GLIS3: variants seen among roughly 807,000 people sequenced by gnomAD.
The protein encoded by GLIS3 is GLIS family zinc finger 3.
In GLIS3, 53 loss-of-function variants were observed where a neutral mutation model predicts 78.6. The observed-to-expected ratio is 0.67, with a 90% CI of 0.54 to 0.85. The LOEUF (loss-of-function observed/expected upper bound fraction) is 0.85, where lower values mean the gene tolerates loss of function less well. GLIS3 is among the 40% of genes least tolerant of loss of function. The probability of loss-of-function intolerance (pLI) is 0.00; values close to 1 mark genes in which losing one functional copy is unlikely to be tolerated. For missense variants in GLIS3, 1,703 were observed against 1,231.1 expected (o/e 1.38, Z -5.74); for synonymous variants, 684 against 509.9 (o/e 1.34, Z -4.60).
chr9:4,419,641 G>A, the GLIS3 span, among the ~76,000 whole-genome samples: 1 of 142,522 alleles, frequency 7.0e-6, no homozygotes, highest in African/African-American at 3.1e-5. Flanking sequence ...TTAGCCGGGC[G>A]TGGTGGTCCA....
chr9:4,018,948 G>T (rs1435758529), intron 4 of GLIS3, among the ~76,000 whole-genome samples: 1 of 152,186 alleles, frequency 6.6e-6, no homozygotes, highest in Non-Finnish European at 1.5e-5. Flanking sequence ...ATTTTACTCT[G>T]TGTGCCCCCT....
intron 4 of GLIS3, among the ~76,000 whole-genome samples, chr9:3,948,645 C>A (rs1213112784): frequency 1.3e-5 from 2 of 152,070 alleles, no homozygotes; most frequent in East Asian, 3.9e-4. Context: ...AGTATAAAGT[C>A]TAGGGTAGAT....
chr9:4,087,183 A>G (rs952187554), intron 4 of GLIS3, among the ~76,000 whole-genome samples: 3 of 152,248 alleles, frequency 2.0e-5, no homozygotes, highest in East Asian at 3.8e-4. Flanking sequence ...AGTAATAATA[A>G]TAAATACTAG....
intron 4 of GLIS3, among the ~76,000 whole-genome samples, chr9:4,093,216 C>G (rs75804990): frequency 0.021 from 3,112 of 151,766 alleles, 93 homozygotes; most frequent in African/African-American, 0.071. Context: ...TCCAGGCAGT[C>G]TGGCTCCAGA....
chr9:4,331,362 A>T (rs1437872796), intron 2 of GLIS3, among the ~76,000 whole-genome samples: 1 of 149,436 alleles, frequency 6.7e-6, no homozygotes, highest in African/African-American at 2.4e-5. Flanking sequence ...ATCCACTACA[A>T]CCTCATCTTA....
chr9:4,338,023 G>GTT (rs1563937879), intron 2 of GLIS3, among the ~76,000 whole-genome samples: 1 of 115,706 alleles, frequency 8.6e-6, no homozygotes, highest in Non-Finnish European at 1.8e-5. Flanking sequence ...GATTGGCAAG[G>GTT]CTGTGTGTGT....
chr9:4,257,893 G>C (rs987352460), intron 2 of GLIS3, among the ~76,000 whole-genome samples: 1 of 152,016 alleles, frequency 6.6e-6, no homozygotes, highest in Non-Finnish European at 1.5e-5. Context: ...TGTTTAATAT[G>C]TATATTAAAA....
the GLIS3 span, among the ~76,000 whole-genome samples, chr9:4,474,517 T>A: frequency 6.6e-6 from 1 of 152,106 alleles, no homozygotes; most frequent in South Asian, 2.1e-4. Flanking sequence ...GGGAAAAAAA[T>A]GAATCTTCAT....
At chr9:4,314,946 G>C (rs928114426) in intron 2 of GLIS3, among the ~76,000 whole-genome samples, 3 of 152,340 alleles carry the variant, frequency 2.0e-5, no homozygotes, top group African/African-American at 7.2e-5. Context: ...GAGCTGCTGA[G>C]GGTGAAAATG....
At chr9:4,005,573 GA>G (rs1821476550) in intron 4 of GLIS3, among the ~76,000 whole-genome samples, 1 of 152,154 alleles carries the variant, frequency 6.6e-6, no homozygotes, top group African/African-American at 2.4e-5. Context: ...ATAAAGTGGG[GA>G]TAAGAATAGC....
chr9:4,479,222 G>A, the GLIS3 span, among the ~76,000 whole-genome samples: 1 of 152,102 alleles, frequency 6.6e-6, no homozygotes, highest in Non-Finnish European at 1.5e-5. Context: ...CACTGCACCA[G>A]GCCTCAACCT....
chr9:4,068,837 T>C (rs994351574), intron 4 of GLIS3, among the ~76,000 whole-genome samples: 1 of 52,794 alleles, frequency 1.9e-5, no homozygotes, highest in African/African-American at 1.1e-4. Flanking sequence ...TGTATGCATG[T>C]GTGTGTGTGT....
chr9:4,466,916 T>C, the GLIS3 span, among the ~76,000 whole-genome samples: 9 of 152,118 alleles, frequency 5.9e-5, no homozygotes, highest in South Asian at 2.1e-4. Flanking sequence ...ACCTGGAAAA[T>C]TGGAACACTC....
At chr9:4,011,810 T>C (rs894912231) in intron 4 of GLIS3, among the ~76,000 whole-genome samples, 2 of 152,210 alleles carry the variant, frequency 1.3e-5, no homozygotes, top group Non-Finnish European at 2.9e-5. Flanking sequence ...TAGGTATTCA[T>C]GGGAAACTGG....
the GLIS3 span, among the ~76,000 whole-genome samples, chr9:4,432,983 G>C: frequency 6.6e-6 from 1 of 152,068 alleles, no homozygotes; most frequent in South Asian, 2.1e-4. Flanking sequence ...GGTAAGCAAT[G>C]GGAGTTCAAG....
chr9:4,154,295 G>A (rs1834895734), intron 2 of GLIS3, among the ~76,000 whole-genome samples: 1 of 152,142 alleles, frequency 6.6e-6, no homozygotes, highest in Admixed American at 6.5e-5. Context: ...TCACAAAAGA[G>A]AATATAGAAT....
the GLIS3 span, among the ~76,000 whole-genome samples, chr9:4,488,486 C>T: frequency 1.3e-5 from 2 of 151,792 alleles, no homozygotes; most frequent in Non-Finnish European, 2.9e-5. Context: ...TGTTTTTTTA[C>T]TGTGGGACAA....
At chr9:4,059,079 G>T (rs1369656748) in intron 4 of GLIS3, among the ~76,000 whole-genome samples, 1 of 152,086 alleles carries the variant, frequency 6.6e-6, no homozygotes, top group Non-Finnish European at 1.5e-5. Context: ...CTAATCTATA[G>T]TTGATCTAGG....
At chr9:4,488,931 A>T in the GLIS3 span, among the ~76,000 whole-genome samples, 1 of 150,660 alleles carries the variant, frequency 6.6e-6, no homozygotes, top group African/African-American at 2.5e-5. Context: ...CAGTGGCTTG[A>T]TCTCAGCTTA....
Sources: gnomAD v4.1 joint callset for allele counts (sites outside exome capture counted in the v4.1 genomes callset) on GRCh38, gnomAD v4.1.1 for gene constraint, MANE v1.5 for transcripts, NCBI Gene and HGNC (gene_info 2026-07-23, HGNC 2026-07-21) for gene names.